VWC2L: variants seen among roughly 807,000 people sequenced by gnomAD.
VWC2L encodes the protein von Willebrand factor C domain containing 2 like.
Under a neutral mutation model 21.6 loss-of-function variants are expected in VWC2L, and 10 were observed. The ratio of observed to expected loss-of-function variants is 0.46; its 90% CI spans 0.29 to 0.78. The LOEUF is 0.78. VWC2L is among the 30% of genes least tolerant of loss of function. VWC2L has a pLI of 0.10. For missense variants in VWC2L, 209 were observed against 277.1 expected, an observed-to-expected ratio of 0.75 and a Z score of 1.74; for synonymous variants, 96 against 94.3, an observed-to-expected ratio of 1.02 and a Z score of -0.10.
In VWC2L at chr2:214,576,671, A is replaced by G. The variant is rs1690234948; in HGVS notation, c.*851A>G. ...TGGTTTGTAGCTAAACACACTCTAA[A>G]CTCACTGTCATCAGGCAATATAAAT... On this transcript the variant is annotated 3_prime_UTR_variant, in exon 4 of 4. Coordinates refer to ENST00000312504, the MANE Select transcript of VWC2L (RefSeq NM_001080500.4). The G allele has an allele frequency of 6.6e-6, 1 of 152,112 alleles. No individual in the cohort carries two copies. Among genetic ancestry groups the G allele is most frequent in the Non-Finnish European group, 1.5e-5 (1 of 68,020 alleles). 9.4% of individuals were successfully genotyped at this position (152,112 alleles called of 1,614,324 possible).
In VWC2L at chr2:214,477,838, G is replaced by A. The variant is rs371394204; in HGVS notation, c.520+41080G>A. 1.4e-4 allele frequency among the ~76,000 whole-genome samples: 21 copies of A among 152,278 alleles called. No individual in the cohort carries two copies. In the East Asian group the frequency reaches 3.7e-3, roughly 27 times the overall value. ...ACAATATTAAGAGAATTCTTTTGAA[G>A]GAAAAACAGCTGTTTTAAAATGTCA... On this transcript the variant is annotated intron_variant, in intron 3 of 3. Transcript: ENST00000312504.
intron 3 of VWC2L, among the ~76,000 whole-genome samples, chr2:214,553,815 G>A (rs1040624511): frequency 1.3e-5 from 2 of 152,074 alleles, no homozygotes; most frequent in Non-Finnish European, 2.9e-5. Flanking sequence ...CCAAGGGGAA[G>A]GTCCATCAGT....
chr2:214,479,876 C>T (rs996724165), intron 3 of VWC2L, among the ~76,000 whole-genome samples: 21 of 152,296 alleles, frequency 1.4e-4, no homozygotes, highest in Non-Finnish European at 2.9e-4. Flanking sequence ...CTTCACTGCA[C>T]TTGGCCCTCT....
intron 3 of VWC2L, among the ~76,000 whole-genome samples, chr2:214,485,535 G>A (rs1688662505): frequency 6.6e-6 from 1 of 152,180 alleles, no homozygotes; most frequent in South Asian, 2.1e-4. Context: ...ATTGGCCGAA[G>A]AGATGAAGGC....
At chr2:214,475,646 C>A (rs533553999) in intron 3 of VWC2L, among the ~76,000 whole-genome samples, 3 of 151,646 alleles carry the variant, frequency 2.0e-5, no homozygotes, top group Non-Finnish European at 4.4e-5. Flanking sequence ...CAATGGTTGT[C>A]ATGTAAGAAT....
chr2:214,511,225 A>G (rs2105905641), intron 3 of VWC2L, among the ~76,000 whole-genome samples: 1 of 152,260 alleles, frequency 6.6e-6, no homozygotes, highest in South Asian at 2.1e-4. Flanking sequence ...TGTTCATGCC[A>G]CTGTACTCCA....
At chr2:214,509,201 T>G (rs1356538241) in intron 3 of VWC2L, among the ~76,000 whole-genome samples, 1 of 152,192 alleles carries the variant, frequency 6.6e-6, no homozygotes, top group Non-Finnish European at 1.5e-5. Context: ...ACTGCTCGCA[T>G]CTAAACTGAG....
At chr2:214,553,105 C>T (rs955389892) in intron 3 of VWC2L, among the ~76,000 whole-genome samples, 2 of 152,200 alleles carry the variant, frequency 1.3e-5, no homozygotes, top group Non-Finnish European at 2.9e-5. Context: ...GCCACTAGTT[C>T]AACGTGGTCC....
chr2:214,556,314 G>C (rs1230306572), intron 3 of VWC2L, among the ~76,000 whole-genome samples: 1 of 152,074 alleles, frequency 6.6e-6, no homozygotes, highest in African/African-American at 2.4e-5. Flanking sequence ...TTTAAACTTA[G>C]GCCAAACTGA....
At chr2:214,412,913 A>T (rs908228203) in intron 1 of VWC2L, among the ~76,000 whole-genome samples, 4 of 151,984 alleles carry the variant, frequency 2.6e-5, no homozygotes, top group African/African-American at 9.7e-5. Context: ...GCATTTAAAT[A>T]AAAAAATGAG....
chr2:214,538,377 T>G (rs1268362696), intron 3 of VWC2L, among the ~76,000 whole-genome samples: 2 of 152,082 alleles, frequency 1.3e-5, no homozygotes, highest in Non-Finnish European at 2.9e-5. Context: ...GCCTATGTTA[T>G]GCAGGTCAAA....
chr2:214,433,169 T>C (rs1027110225), intron 2 of VWC2L, among the ~76,000 whole-genome samples: 8 of 146,006 alleles, frequency 5.5e-5, no homozygotes, highest in Admixed American at 2.1e-4. Flanking sequence ...GATATATATA[T>C]ATATATATAT....
chr2:214,422,769 C>T (rs774145654), intron 2 of VWC2L, among the ~76,000 whole-genome samples: 15 of 152,128 alleles, frequency 9.9e-5, no homozygotes, highest in Non-Finnish European at 1.8e-4. Flanking sequence ...TTAATGACAT[C>T]ATGGAAAGAG....
chr2:214,501,308 G>C (rs1688887106), intron 3 of VWC2L, among the ~76,000 whole-genome samples: 1 of 152,190 alleles, frequency 6.6e-6, no homozygotes, highest in Non-Finnish European at 1.5e-5. Context: ...CTGAGCCATA[G>C]GAAGGAAGTG....
In VWC2L at chr2:214,531,734, A is replaced by G. The variant is rs77144108; in HGVS notation, c.521-43938A>G. 8.2e-3 allele frequency among the ~76,000 whole-genome samples: 1,241 copies of G among 152,264 alleles called. 19 individuals carry two copies. The highest frequency in any genetic ancestry group is 0.028 in the African/African-American group (1,164 of 41,546). On this transcript the variant is annotated intron_variant, in intron 3 of 3. Transcript: ENST00000312504. ...TCCAGGGGAGCGCCCACATGAAAACATGACTATCAGTGGAAGCTACCGAGG... is the reference window on the plus strand; with the variant it reads ...TCCAGGGGAGCGCCCACATGAAAACGTGACTATCAGTGGAAGCTACCGAGG...
At chr2:214,537,701 C>T (rs1689557973) in intron 3 of VWC2L, among the ~76,000 whole-genome samples, 1 of 151,944 alleles carries the variant, frequency 6.6e-6, no homozygotes, top group South Asian at 2.1e-4. Context: ...ATTATGCGTA[C>T]CACATAATTA....
At chr2:214,554,202 C>A (rs1689839684) in intron 3 of VWC2L, among the ~76,000 whole-genome samples, 1 of 152,160 alleles carries the variant, frequency 6.6e-6, no homozygotes. Context: ...CCTGTACATT[C>A]TTCTGTAACA....
chr2:214,422,361 A>C (rs2126172642), intron 2 of VWC2L, among the ~76,000 whole-genome samples: 1 of 152,128 alleles, frequency 6.6e-6, no homozygotes, highest in Admixed American at 6.5e-5. Flanking sequence ...CTTTAAGAAA[A>C]TCTTGTTTTA....
chr2:214,482,028 T>C (rs1688609464), intron 3 of VWC2L, among the ~76,000 whole-genome samples: 1 of 152,132 alleles, frequency 6.6e-6, no homozygotes, highest in Non-Finnish European at 1.5e-5. Flanking sequence ...TTAAAGCACA[T>C]ATTCCACTAA....
Sources: allele counts gnomAD v4.1 joint callset (sites outside exome capture counted in the v4.1 genomes callset), GRCh38; gene constraint gnomAD v4.1.1; transcripts MANE v1.5; gene names NCBI Gene and HGNC (gene_info 2026-07-23, HGNC 2026-07-21).